PAK3: variants seen among roughly 807,000 people sequenced by gnomAD.
PAK3 encodes p21 (RAC1) activated kinase 3.
A neutral mutation model predicts 41.0 loss-of-function variants in PAK3; 4 were observed. That is an observed-to-expected ratio of 0.10 (90% confidence interval 0.05 to 0.22). The LOEUF (loss-of-function observed/expected upper bound fraction) is 0.22, where lower values mean the gene tolerates loss of function less well. Among genes scored for constraint, PAK3 ranks in the 10% least tolerant of loss-of-function variants. The pLI is 1.00. For missense variants in PAK3, 205 were observed against 409.9 expected (o/e 0.50, Z 4.32); for synonymous variants, 146 against 139.6 (o/e 1.05, Z -0.32).
chrX:111,217,109 G>A (rs1434156354), intron 17 of PAK3: 34 of 598,373 alleles, frequency 5.7e-5, no homozygotes, highest in Non-Finnish European at 6.8e-5. Context: ...TACTTACTAT[G>A]TACCAAATTC....
chrX:111,100,015 A>G (rs2093095827), intron 3 of PAK3, among the ~76,000 whole-genome samples: 3 of 109,554 alleles, frequency 2.7e-5, no homozygotes, highest in Non-Finnish European at 3.8e-5. Context: ...CATCTCTTTC[A>G]ACAGTGTGGC....
chrX:111,076,070 G>GT (rs934982919), intron 1 of PAK3, among the ~76,000 whole-genome samples: 13 of 111,687 alleles, frequency 1.2e-4, no homozygotes, highest in African/African-American at 3.6e-4. Flanking sequence ...TGAATAAGTT[G>GT]TTTTTTTTAT....
rs562335028 is a variant in PAK3, at chrX:111,051,248, T to G, written c.-27-71829T>G. ...TCTTCACCTCTGTATCCCCAGGGTC[T>G]AGAAAAATGCCTGGCCATAGTACCT... On this transcript the variant is annotated intron_variant, in intron 1 of 14. Coordinates refer to the PAK3 transcript ENST00000425146. 1.0e-3 allele frequency among the ~76,000 whole-genome samples: 115 copies of G among 112,104 alleles called. 1 individual carries two copies. The highest frequency in any genetic ancestry group is 3.4e-3 in the African/African-American group (105 of 30,875).
At chrX:111,210,807 A>C (rs374902862) in intron 16 of PAK3, among the ~76,000 whole-genome samples, 45 of 111,951 alleles carry the variant, frequency 4.0e-4, no homozygotes, top group African/African-American at 1.4e-3. Flanking sequence ...ATAGACATAT[A>C]AACCAAGAAC....
chrX:111,219,318 A>C (rs1298478829), intron 17 of PAK3, among the ~76,000 whole-genome samples: 1 of 110,055 alleles, frequency 9.1e-6, no homozygotes, highest in Non-Finnish European at 1.9e-5. Flanking sequence ...GAGGAAGACA[A>C]AAGTGACTTC....
At chrX:111,006,849 C>CTTTCTTTT (rs1556434441) in intron 1 of PAK3, among the ~76,000 whole-genome samples, 22 of 42,686 alleles carry the variant, frequency 5.2e-4, no homozygotes, top group Non-Finnish European at 5.7e-4. Context: ...TTCTTTCTTT[C>CTTTCTTTT]TTTTTTTTTT....
intron 5 of PAK3, among the ~76,000 whole-genome samples, chrX:111,128,873 T>C (rs1012493102): frequency 2.7e-5 from 3 of 111,889 alleles, no homozygotes; most frequent in Non-Finnish European, 3.8e-5. Flanking sequence ...CTTTGGGTGT[T>C]TTGTAGGTTA....
chrX:110,960,312 A>G (rs773364891), intron 1 of PAK3, among the ~76,000 whole-genome samples: 1 of 112,390 alleles, frequency 8.9e-6, no homozygotes, highest in Admixed American at 9.4e-5. Context: ...AAATGTTAAT[A>G]AGCATTGTGG....
intron 6 of PAK3, among the ~76,000 whole-genome samples, chrX:111,146,083 C>T (rs758257832): frequency 8.9e-5 from 10 of 111,922 alleles, no homozygotes; most frequent in East Asian, 2.8e-4. Context: ...GAATTGGGAA[C>T]TGAAATTTGT....
intron 4 of PAK3, among the ~76,000 whole-genome samples, chrX:111,106,627 A>T (rs775458430): frequency 3.3e-4 from 37 of 111,243 alleles, no homozygotes; most frequent in Non-Finnish European, 6.6e-4. Flanking sequence ...CCAAACTCTT[A>T]CACATCCCCC....
intron 4 of PAK3, among the ~76,000 whole-genome samples, chrX:111,109,782 G>A (rs191082576): frequency 3.6e-5 from 4 of 111,993 alleles, no homozygotes; most frequent in East Asian, 2.8e-4. Context: ...TCAGGCTTTC[G>A]TCCCAAACGC....
intron 4 of PAK3, among the ~76,000 whole-genome samples, chrX:111,111,080 G>A (rs1272842814): frequency 9.0e-6 from 1 of 111,510 alleles, no homozygotes; most frequent in African/African-American, 3.3e-5. Context: ...CTGAGCAATT[G>A]TGCATATTCC....
At chrX:111,193,633 A>G (rs1007894832) in intron 13 of PAK3, among the ~76,000 whole-genome samples, 1 of 111,165 alleles carries the variant, frequency 9.0e-6, no homozygotes, top group Non-Finnish European at 1.9e-5. Context: ...TACAGGCGTG[A>G]GCCACTCCAC....
intron 8 of PAK3, among the ~76,000 whole-genome samples, chrX:111,158,536 A>T (rs1340810238): frequency 1.8e-5 from 2 of 111,551 alleles, no homozygotes; most frequent in Non-Finnish European, 3.8e-5. Flanking sequence ...AGTACCAAAG[A>T]TTGCTATCCT....
chrX:111,212,298 A>G (rs2094830269), intron 16 of PAK3, among the ~76,000 whole-genome samples: 1 of 112,017 alleles, frequency 8.9e-6, no homozygotes, highest in Admixed American at 9.5e-5. Flanking sequence ...TCTTCATCTA[A>G]TACTTGACTT....
intron 13 of PAK3, 77 bp downstream of exon 13, chrX:111,192,695 A>G: frequency 1.8e-6 from 1 of 548,428 alleles, no homozygotes. Context: ...TTTATTTGGG[A>G]TTCGTTCATT....
intron 11 of PAK3, among the ~76,000 whole-genome samples, chrX:111,188,894 A>T (rs1327240813): frequency 8.9e-6 from 1 of 112,341 alleles, no homozygotes; most frequent in Non-Finnish European, 1.9e-5. Flanking sequence ...ATACATGTGA[A>T]TAAACCAGAG....
At chrX:111,159,745 T>A (rs766866345) in intron 8 of PAK3, among the ~76,000 whole-genome samples, 1 of 112,307 alleles carries the variant, frequency 8.9e-6, no homozygotes, top group East Asian at 2.8e-4. Flanking sequence ...AATAGCCCAG[T>A]TGTTATGGCT....
intron 17 of PAK3, among the ~76,000 whole-genome samples, chrX:111,219,679 C>T (rs1163339851): frequency 9.0e-6 from 1 of 110,742 alleles, no homozygotes; most frequent in East Asian, 2.8e-4. Context: ...CTCCATAAAG[C>T]TGATGGTGGG....
Sources: gnomAD v4.1 joint callset for allele counts (sites outside exome capture counted in the v4.1 genomes callset) on GRCh38, gnomAD v4.1.1 for gene constraint, MANE v1.5 for transcripts, NCBI Gene and HGNC (gene_info 2026-07-23, HGNC 2026-07-21) for gene names.